DOCK3: variants seen among roughly 807,000 people sequenced by gnomAD.
The protein encoded by DOCK3 is dedicator of cytokinesis 3.
DOCK3 carries 60 observed loss-of-function variants against 265.6 expected under a neutral mutation model. That is an observed-to-expected ratio of 0.23 (90% CI 0.18 to 0.28). DOCK3 has a LOEUF of 0.28. DOCK3 is among the 10% of genes least tolerant of loss of function. The pLI is 1.00. For synonymous variants in DOCK3, 881 were observed against 938.0 expected, an observed-to-expected ratio of 0.94 and a Z score of 1.11; for missense variants, 1,981 against 2,594.3, an observed-to-expected ratio of 0.76 and a Z score of 5.14.
At chr3:51,235,594 TA>T (rs1391034627) in intron 19 of DOCK3, among the ~76,000 whole-genome samples, 2 of 151,916 alleles carry the variant, frequency 1.3e-5, no homozygotes, top group African/African-American at 4.8e-5. Context: ...GACCCATCAT[TA>T]TTACCCCTAT....
chr3:51,205,024 G>A (rs1407782176), intron 12 of DOCK3, among the ~76,000 whole-genome samples: 2 of 152,108 alleles, frequency 1.3e-5, no homozygotes, highest in African/African-American at 4.8e-5. Flanking sequence ...TGTGGGGTGG[G>A]GGTAGGGGGG....
At chr3:51,144,016 T>A (rs2085184808) in intron 9 of DOCK3, among the ~76,000 whole-genome samples, 1 of 152,238 alleles carries the variant, frequency 6.6e-6, no homozygotes, top group African/African-American at 2.4e-5. Context: ...TTCGAGCCTG[T>A]GATACATTCA....
chr3:51,181,967 T>G (rs904331712), intron 12 of DOCK3, among the ~76,000 whole-genome samples: 1 of 152,218 alleles, frequency 6.6e-6, no homozygotes, highest in African/African-American at 2.4e-5. Flanking sequence ...GGACTTCTTA[T>G]GCATTTTATA....
intron 27 of DOCK3, among the ~76,000 whole-genome samples, chr3:51,309,033 G>A (rs575380337): frequency 1.4e-4 from 22 of 151,900 alleles, no homozygotes; most frequent in Non-Finnish European, 1.9e-4. Context: ...ATGGGTGGCC[G>A]GGCAGAGACG....
intron 1 of DOCK3, among the ~76,000 whole-genome samples, chr3:50,731,131 C>G (rs1264457623): frequency 2.0e-5 from 2 of 99,588 alleles, no homozygotes; most frequent in African/African-American, 6.5e-5. Flanking sequence ...GACTCTGTCT[C>G]AAAAAAAAAA....
chr3:51,077,044 T>A (rs922076292), intron 7 of DOCK3, among the ~76,000 whole-genome samples: 1 of 152,008 alleles, frequency 6.6e-6, no homozygotes, highest in African/African-American at 2.4e-5. Context: ...ATTGACTCTG[T>A]CTAGAGAGAA....
At chr3:50,802,749 T>C (rs1016185003) in intron 2 of DOCK3, among the ~76,000 whole-genome samples, 1 of 152,158 alleles carries the variant, frequency 6.6e-6, no homozygotes, top group Non-Finnish European at 1.5e-5. Context: ...ATAATATATG[T>C]CTCTCAGTGA....
At chr3:51,305,834 CTT>C (rs761039681) in intron 27 of DOCK3, among the ~76,000 whole-genome samples, 4 of 50,556 alleles carry the variant, frequency 7.9e-5, no homozygotes, top group Non-Finnish European at 1.3e-4. Flanking sequence ...ATTTCTTCTT[CTT>C]TTTTTTTTTT....
In DOCK3 at chr3:51,243,049, C is replaced by T. The variant is rs188730642; in HGVS notation, c.2103-3677C>T. Among the ~76,000 whole-genome samples, 113 of 152,238 alleles carry T rather than the reference C, an allele frequency of 7.4e-4. 1 individual carries two copies. In the South Asian group the frequency reaches 0.012, roughly 16 times the overall value. On this transcript the variant is annotated intron_variant, in intron 21 of 52. Coordinates refer to ENST00000266037, the MANE Select transcript of DOCK3 (RefSeq NM_004947.5). ...AAGCAGGTATGGCCAGACTTGGGCCCTAGGAGAGGCCAGCCAACCAAGGGG... is the reference window on the plus strand; with the variant it reads ...AAGCAGGTATGGCCAGACTTGGGCCTTAGGAGAGGCCAGCCAACCAAGGGG...
chr3:51,324,449 A>G (rs943985198), intron 32 of DOCK3, among the ~76,000 whole-genome samples: 2 of 152,244 alleles, frequency 1.3e-5, no homozygotes, highest in Admixed American at 6.5e-5. Flanking sequence ...AAAACATTCC[A>G]TGCTCATGGA....
In DOCK3 at chr3:50,931,333, T is replaced by G. The variant is rs9820926; in HGVS notation, c.219-2648T>G. ...CAGCAGTTTACAGTGAACCTCCTTT[T>G]TTAGAACATTAGATGTTATAGTTAA... is the stretch of plus-strand genomic sequence containing the variant. On this transcript the variant is annotated intron_variant, in intron 4 of 52. Transcript: ENST00000266037. Among the ~76,000 whole-genome samples, 417 of 152,326 alleles carry G rather than the reference T, an allele frequency of 2.7e-3. 1 individual carries two copies. Among genetic ancestry groups the G allele is most frequent in the African/African-American group, 9.6e-3 (399 of 41,582 alleles).
intron 22 of DOCK3, among the ~76,000 whole-genome samples, chr3:51,250,334 C>T (rs1211710953): frequency 6.6e-6 from 1 of 151,426 alleles, no homozygotes; most frequent in African/African-American, 2.4e-5. Flanking sequence ...CAAAACAAAA[C>T]TTGGCTGGCC....
intron 9 of DOCK3, among the ~76,000 whole-genome samples, chr3:51,141,278 ACT>A (rs1219856079): frequency 7.4e-6 from 1 of 135,360 alleles, no homozygotes; most frequent in Non-Finnish European, 1.5e-5. Flanking sequence ...GATTTTTGAA[ACT>A]CACATAATTT....
chr3:51,309,872 A>T (rs1024626510), intron 27 of DOCK3, among the ~76,000 whole-genome samples: 1 of 152,258 alleles, frequency 6.6e-6, no homozygotes, highest in Non-Finnish European at 1.5e-5. Flanking sequence ...TCAAACGCTC[A>T]GGGGCCATGC....
chr3:51,133,477 T>C (rs2084654053), intron 9 of DOCK3, among the ~76,000 whole-genome samples: 1 of 152,056 alleles, frequency 6.6e-6, no homozygotes, highest in African/African-American at 2.4e-5. Flanking sequence ...TCCACGTCCC[T>C]ACAAAGGACA....
intron 1 of DOCK3, among the ~76,000 whole-genome samples, chr3:50,725,886 C>T (rs544364147): frequency 6.6e-6 from 1 of 152,288 alleles, no homozygotes; most frequent in South Asian, 2.1e-4. Flanking sequence ...AAGGCATATA[C>T]AGTCATCCCT....
intron 2 of DOCK3, among the ~76,000 whole-genome samples, chr3:50,808,160 T>C (rs1382606949): frequency 6.6e-6 from 1 of 152,166 alleles, no homozygotes; most frequent in Non-Finnish European, 1.5e-5. Flanking sequence ...TGAAATCTAA[T>C]AAAAATACAA....
At chr3:50,693,287 G>T (rs892139556) in intron 1 of DOCK3, among the ~76,000 whole-genome samples, 12 of 152,254 alleles carry the variant, frequency 7.9e-5, no homozygotes, top group African/African-American at 2.9e-4. Flanking sequence ...TTTTGGTAGG[G>T]ACTGAATTGA....
At chr3:50,905,752 A>C (rs531175377) in intron 4 of DOCK3, among the ~76,000 whole-genome samples, 1 of 152,090 alleles carries the variant, frequency 6.6e-6, no homozygotes, top group Non-Finnish European at 1.5e-5. Flanking sequence ...AATGCCCTTT[A>C]TTTCTTTCTC....
Sources: gnomAD v4.1 joint callset for allele counts (sites outside exome capture counted in the v4.1 genomes callset) on GRCh38, gnomAD v4.1.1 for gene constraint, MANE v1.5 for transcripts, NCBI Gene and HGNC (gene_info 2026-07-23, HGNC 2026-07-21) for gene names.